The following STXBP5 variants were observed in gnomAD, a reference collection of about 807,000 sequenced individuals.
The protein encoded by STXBP5 is syntaxin binding protein 5, also known as syntaxin-binding protein 5.
STXBP5 carries 50 observed loss-of-function variants against 152.4 expected under a neutral mutation model. The ratio of observed to expected loss-of-function variants is 0.33; its 90% CI spans 0.26 to 0.42. STXBP5 has a LOEUF of 0.42. STXBP5 is among the 10% of genes least tolerant of loss of function. The pLI is 1.00. For synonymous variants in STXBP5, 492 were observed against 494.7 expected, an observed-to-expected ratio of 0.99 and a Z score of 0.07; for missense variants, 1,167 against 1,388.6, an observed-to-expected ratio of 0.84 and a Z score of 2.54.
chr6:147,233,830 CCTA>C (rs900005023), intron 2 of STXBP5, among the ~76,000 whole-genome samples: 4 of 150,120 alleles, frequency 2.7e-5, no homozygotes, highest in Admixed American at 6.7e-5. Context: ...AAATACTACT[CCTA>C]CTACTACTAC....
At chr6:147,287,775 A>C (rs1259045097) in intron 8 of STXBP5, among the ~76,000 whole-genome samples, 1 of 152,144 alleles carries the variant, frequency 6.6e-6, no homozygotes, top group East Asian at 1.9e-4. Context: ...TTTTGTTTCT[A>C]TGGAATAAAT....
At chr6:147,261,764 G>T (rs997738629) in intron 5 of STXBP5, among the ~76,000 whole-genome samples, 1 of 151,910 alleles carries the variant, frequency 6.6e-6, no homozygotes, top group African/African-American at 2.4e-5. Flanking sequence ...GTCAAACTTG[G>T]GAGTTTCTGA....
intron 4 of STXBP5, among the ~76,000 whole-genome samples, chr6:147,250,780 T>C (rs1030402909): frequency 1.3e-5 from 2 of 152,080 alleles, no homozygotes; most frequent in African/African-American, 4.8e-5. Flanking sequence ...AATTTATTAA[T>C]ATCAATTTTT....
intron 27 of STXBP5, among the ~76,000 whole-genome samples, chr6:147,384,262 A>G (rs1786234793): frequency 6.6e-6 from 1 of 152,104 alleles, no homozygotes; most frequent in Non-Finnish European, 1.5e-5. Context: ...AAATGGGGAG[A>G]AAAACAGTGC....
intron 19 of STXBP5, among the ~76,000 whole-genome samples, chr6:147,334,899 C>T (rs952824811): frequency 1.9e-4 from 29 of 152,076 alleles, no homozygotes; most frequent in African/African-American, 7.0e-4. Context: ...ATAAGTAACA[C>T]TGTTGTTAAG....
At chr6:147,334,023 G>A (rs901620522) in intron 18 of STXBP5, 134 bp from the exon 19 acceptor site, 6 of 696,530 alleles carry the variant, frequency 8.6e-6, no homozygotes, top group Non-Finnish European at 1.1e-5. Flanking sequence ...AATGTGCATG[G>A]TATCAGTACC....
At chr6:147,228,349 C>T (rs968523040) in intron 2 of STXBP5, among the ~76,000 whole-genome samples, 25 of 151,934 alleles carry the variant, frequency 1.6e-4, no homozygotes, top group African/African-American at 2.9e-4. Flanking sequence ...TGTTTCCTAG[C>T]AACTAGCAAT....
At chr6:147,291,622 G>GTTGT in intron 9 of STXBP5, among the ~76,000 whole-genome samples, 1 of 152,014 alleles carries the variant, frequency 6.6e-6, no homozygotes, top group Non-Finnish European at 1.5e-5. Context: ...ATATTAAAGG[G>GTTGT]AGTTTGTTGG....
At chr6:147,331,084 A>C (rs1783545153) in intron 18 of STXBP5, among the ~76,000 whole-genome samples, 1 of 152,190 alleles carries the variant, frequency 6.6e-6, no homozygotes, top group Admixed American at 6.5e-5. Flanking sequence ...AATTACCTTG[A>C]TGTAGTGTGC....
Position 147,204,461 on chromosome 6 carries a change from C to G in STXBP5, c.-72C>G. The G allele has an allele frequency of 6.5e-7, 1 of 1,527,360 alleles. No individual in the cohort carries two copies. Among genetic ancestry groups the G allele is most frequent in the Non-Finnish European group, 8.9e-7 (1 of 1,126,302 alleles). 94.6% of individuals were successfully genotyped at this position (1,527,360 alleles called of 1,614,324 possible). A position where few individuals can be genotyped will look rare whatever the true frequency, so the allele number is the denominator to read the frequency against. On this transcript the variant is annotated 5_prime_UTR_variant, in exon 1 of 28. Coordinates refer to ENST00000321680, the MANE Select transcript of STXBP5 (RefSeq NM_001127715.4). This position sits in a 1 kb window ranked among gnomAD's most constrained non-coding sequence, Gnocchi z 4.3. ...TCCGCGGTCGAAGCTGCCTTCGGCC[C>G]CGGGTGGTCTCCCCCGCCCGGGGAC...
intron 4 of STXBP5, among the ~76,000 whole-genome samples, chr6:147,245,434 A>T (rs932942116): frequency 1.3e-5 from 2 of 152,142 alleles, no homozygotes; most frequent in African/African-American, 4.8e-5. Flanking sequence ...CAGCTCAGGG[A>T]TTTGTCTGCT....
rs1016619235 is a variant in STXBP5, at chr6:147,359,424, G to A, written c.2545+101G>A. The stretch of plus-strand genomic sequence containing the variant: ...TGAATTGATCTAAGAATTCCAAAAT[G>A]TAAAGTAAATGGGGACAGTGATGGC... On this transcript the variant is annotated intron_variant, in intron 23 of 27. Coordinates refer to ENST00000321680, the MANE Select transcript of STXBP5 (RefSeq NM_001127715.4). The A allele has an allele frequency of 1.5e-5, 21 of 1,435,106 alleles. No homozygotes were observed. In the African/African-American group the frequency reaches 2.9e-4, roughly 19 times the overall value. The allele number at this position is 1,435,106 out of a possible 1,614,324, so 88.9% of individuals were successfully genotyped here.
intron 8 of STXBP5, among the ~76,000 whole-genome samples, chr6:147,282,682 T>C (rs1391372741): frequency 1.3e-5 from 2 of 152,140 alleles, no homozygotes; most frequent in Non-Finnish European, 2.9e-5. Context: ...AGGGTTTCAT[T>C]ACTTAGGAGG....
intron 2 of STXBP5, among the ~76,000 whole-genome samples, chr6:147,207,065 G>T (rs1776604248): frequency 6.6e-6 from 1 of 151,970 alleles, no homozygotes; most frequent in Non-Finnish European, 1.5e-5. Flanking sequence ...AGAAATATAC[G>T]ATAGGGGAGG....
chr6:147,307,908 A>AC (rs1438302525), intron 9 of STXBP5, among the ~76,000 whole-genome samples: 1 of 152,132 alleles, frequency 6.6e-6, no homozygotes. Flanking sequence ...GATTGTATAA[A>AC]CTGGTCACCT....
At chr6:147,282,899 T>A (rs1780769026) in intron 8 of STXBP5, among the ~76,000 whole-genome samples, 1 of 151,932 alleles carries the variant, frequency 6.6e-6, no homozygotes, top group Non-Finnish European at 1.5e-5. Flanking sequence ...AGACCAGGGG[T>A]GCCTTCCTAT....
chr6:147,360,279 C>T (rs1785004530), intron 23 of STXBP5, among the ~76,000 whole-genome samples: 1 of 152,072 alleles, frequency 6.6e-6, no homozygotes, highest in Non-Finnish European at 1.5e-5. Flanking sequence ...CCATTTGACC[C>T]AGCCATCCCA....
chr6:147,233,292 G>C (rs889304376), intron 2 of STXBP5, among the ~76,000 whole-genome samples: 4 of 151,482 alleles, frequency 2.6e-5, no homozygotes, highest in Non-Finnish European at 5.9e-5. Flanking sequence ...ACTCGTATTG[G>C]TTGACATTAT....
rs768205925 is a variant in STXBP5 at position 147,255,869 on chromosome 6, C to T, written c.432-4746C>T. On this transcript the variant is annotated intron_variant, in intron 4 of 27. Transcript: ENST00000321680. ...AGTTAGATTCTCAACCTTTTTTCAA[C>T]TTTAAATAATTAATCTAGTAACATC... Among the ~76,000 whole-genome samples, 5 of 152,102 alleles carry T rather than the reference C, an allele frequency of 3.3e-5. 1 individual carries two copies. The South Asian group carries it at 1.0e-3, about 32-fold the overall frequency.
Sources: gnomAD v4.1 joint callset for allele counts (sites outside exome capture counted in the v4.1 genomes callset) on GRCh38, gnomAD v4.1.1 for gene constraint, Gnocchi (gnomAD v3.1) non-coding constraint, MANE v1.5 for transcripts, NCBI Gene and HGNC (gene_info 2026-07-23, HGNC 2026-07-21) for gene names.